The following GRIA3 variants were observed in gnomAD, a reference collection of about 807,000 sequenced individuals.
GRIA3 encodes glutamate receptor 3.
A neutral mutation model predicts 63.0 loss-of-function variants in GRIA3; 3 were observed. The ratio of observed to expected loss-of-function variants is 0.05; its 90% CI spans 0.02 to 0.12. The LOEUF (loss-of-function observed/expected upper bound fraction) is 0.12, where lower values mean the gene tolerates loss of function less well. GRIA3 is among the 10% of genes least tolerant of loss of function. The probability of loss-of-function intolerance (pLI) is 1.00; values close to 1 mark genes in which losing one functional copy is unlikely to be tolerated. For missense variants in GRIA3, 347 were observed against 700.9 expected, an observed-to-expected ratio of 0.50 and a Z score of 5.70; for synonymous variants, 274 against 257.9, an observed-to-expected ratio of 1.06 and a Z score of -0.60.
intron 4 of GRIA3, among the ~76,000 whole-genome samples, chrX:123,344,882 T>C (rs1652420541): frequency 9.0e-6 from 1 of 111,396 alleles, no homozygotes; most frequent in Non-Finnish European, 1.9e-5. Context: ...TATTATCAGA[T>C]GGAAAGGTGG....
At chrX:123,332,545 C>T (rs950684282) in intron 4 of GRIA3, among the ~76,000 whole-genome samples, 1 of 111,043 alleles carries the variant, frequency 9.0e-6, no homozygotes, top group African/African-American at 3.3e-5. Context: ...AAGTTGACAC[C>T]AGGTACTGTT....
intron 4 of GRIA3, among the ~76,000 whole-genome samples, chrX:123,348,737 G>GA (rs942078688): frequency 1.8e-5 from 2 of 112,164 alleles, no homozygotes; most frequent in African/African-American, 6.5e-5. Flanking sequence ...ATTGCCTCAG[G>GA]AAATGGTTTT....
chrX:123,325,414 T>C (rs1221078966), intron 3 of GRIA3, among the ~76,000 whole-genome samples: 6 of 112,101 alleles, frequency 5.4e-5, no homozygotes, highest in African/African-American at 1.9e-4. Context: ...GTAAATTTAA[T>C]TGAGAAAGGG....
chrX:123,315,170 A>G (rs1009075369), intron 3 of GRIA3, among the ~76,000 whole-genome samples: 44 of 112,086 alleles, frequency 3.9e-4, no homozygotes, highest in African/African-American at 1.1e-3. Context: ...GAAGATTTGC[A>G]GAGGGTCAGC....
chrX:123,364,330 A>C (rs140836841), intron 5 of GRIA3, among the ~76,000 whole-genome samples: 1,291 of 111,774 alleles, frequency 0.012, 22 homozygotes, highest in African/African-American at 0.04. Flanking sequence ...ATCCATAAAC[A>C]GTCATCCATA....
intron 5 of GRIA3, among the ~76,000 whole-genome samples, chrX:123,370,962 G>A (rs1037367861): frequency 1.1e-4 from 12 of 110,052 alleles, no homozygotes; most frequent in Admixed American, 3.9e-4. Context: ...TCACCTTGTC[G>A]TGTAATCAAA....
intron 3 of GRIA3, among the ~76,000 whole-genome samples, chrX:123,269,949 T>A (rs901961178): frequency 8.9e-6 from 1 of 112,483 alleles, no homozygotes; most frequent in Non-Finnish European, 1.9e-5. Context: ...TAAACAGACT[T>A]CTTTGGAAAT....
chrX:123,332,556 A>T (rs983757160), intron 4 of GRIA3, among the ~76,000 whole-genome samples: 3 of 111,355 alleles, frequency 2.7e-5, no homozygotes, highest in Non-Finnish European at 3.8e-5. Flanking sequence ...AGGTACTGTT[A>T]ATCACTGCTC....
At chrX:123,346,011 T>A (rs1183741453) in intron 4 of GRIA3, among the ~76,000 whole-genome samples, 1 of 111,636 alleles carries the variant, frequency 9.0e-6, no homozygotes, top group East Asian at 2.8e-4. Flanking sequence ...TTTTATTTAT[T>A]CCTCACTGCA....
intron 2 of GRIA3, among the ~76,000 whole-genome samples, chrX:123,232,170 T>G (rs2044279381): frequency 8.9e-6 from 1 of 111,835 alleles, no homozygotes; most frequent in Admixed American, 9.5e-5. Flanking sequence ...GACATAGCAG[T>G]AGGTCAGCAG....
At chrX:123,187,444 C>T (rs1174412833) in intron 2 of GRIA3, among the ~76,000 whole-genome samples, 1 of 111,971 alleles carries the variant, frequency 8.9e-6, no homozygotes, top group South Asian at 3.8e-4. Context: ...GTGAAAGTTA[C>T]GAAATGTCTG....
At chrX:123,217,501 C>T (rs1478456198) in intron 2 of GRIA3, among the ~76,000 whole-genome samples, 1 of 111,795 alleles carries the variant, frequency 8.9e-6, no homozygotes, top group Non-Finnish European at 1.9e-5. Flanking sequence ...CAGGCATTTC[C>T]TACCACCCGC....
chrX:123,458,184 C>T, intron 12 of GRIA3, among the ~76,000 whole-genome samples: 1 of 109,615 alleles, frequency 9.1e-6, no homozygotes, highest in East Asian at 2.9e-4. Context: ...TCCACCGACA[C>T]ATAGTGAGAG....
At chrX:123,246,345 G>A (rs1439821310) in intron 2 of GRIA3, among the ~76,000 whole-genome samples, 1 of 111,780 alleles carries the variant, frequency 8.9e-6, no homozygotes, top group Non-Finnish European at 1.9e-5. Flanking sequence ...GTCTCACCAG[G>A]CTAAAACCAG....
intron 12 of GRIA3, among the ~76,000 whole-genome samples, chrX:123,441,634 T>C (rs1360359883): frequency 1.8e-5 from 2 of 111,950 alleles, no homozygotes; most frequent in Non-Finnish European, 3.8e-5. Context: ...AAGAGGATTT[T>C]ATAGCAAATC....
At chrX:123,250,410 TTC>T (rs1413017319) in intron 2 of GRIA3, among the ~76,000 whole-genome samples, 1 of 112,195 alleles carries the variant, frequency 8.9e-6, no homozygotes, top group Admixed American at 9.4e-5. Context: ...GCCACTTATC[TTC>T]TGTTTCCTTC....
At chrX:123,194,765 T>G (rs887148072) in intron 2 of GRIA3, among the ~76,000 whole-genome samples, 1 of 112,408 alleles carries the variant, frequency 8.9e-6, no homozygotes, top group Non-Finnish European at 1.9e-5. Flanking sequence ...GCCCCAGTAC[T>G]ACAGAGATAT....
chrX:123,403,602 G>T, intron 9 of GRIA3, 83 bp downstream of exon 9: 8 of 648,309 alleles, frequency 1.2e-5, no homozygotes, highest in Non-Finnish European at 2.1e-5. Context: ...CAGTAGAAAA[G>T]ACCTCAAGTT....
chrX:123,237,990 C>A (rs960538631), intron 2 of GRIA3, among the ~76,000 whole-genome samples: 1 of 111,577 alleles, frequency 9.0e-6, no homozygotes, highest in Non-Finnish European at 1.9e-5. Context: ...ATGTTCTGCA[C>A]CAGTGGTTTC....
Sources: gnomAD v4.1 joint callset for allele counts (sites outside exome capture counted in the v4.1 genomes callset) on GRCh38, gnomAD v4.1.1 for gene constraint, MANE v1.5 for transcripts, NCBI Gene and HGNC (gene_info 2026-07-23, HGNC 2026-07-21) for gene names.